MAPKAPK5: variants seen among roughly 807,000 people sequenced by gnomAD.
MAPKAPK5 encodes the protein MAP kinase-activated protein kinase 5.
In MAPKAPK5, 30 loss-of-function variants were observed where a neutral mutation model predicts 65.1. The ratio of observed to expected loss-of-function variants is 0.46; its 90% CI spans 0.34 to 0.63. MAPKAPK5 has a LOEUF of 0.63. MAPKAPK5 is among the 20% of genes least tolerant of loss of function. MAPKAPK5 has a pLI of 0.01. For synonymous variants in MAPKAPK5, 179 were observed against 204.6 expected (o/e 0.87, Z 1.07); for missense variants, 433 against 581.4 (o/e 0.74, Z 2.63).
At chr12:111,886,791 C>G (rs190872467) in intron 10 of MAPKAPK5, among the ~76,000 whole-genome samples, 1 of 152,264 alleles carries the variant, frequency 6.6e-6, no homozygotes, top group East Asian at 1.9e-4. Context: ...AGATTTGCCA[C>G]TAGGAAGGTA....
intron 1 of MAPKAPK5, among the ~76,000 whole-genome samples, chr12:111,849,791 G>A (rs1300350564): frequency 2.6e-5 from 4 of 151,334 alleles, no homozygotes; most frequent in African/African-American, 4.9e-5. Flanking sequence ...ATCACAGTTC[G>A]CTGCAGCCAT....
chr12:111,845,780 G>T (rs976653377), intron 1 of MAPKAPK5, among the ~76,000 whole-genome samples: 3 of 151,958 alleles, frequency 2.0e-5, no homozygotes, highest in Non-Finnish European at 4.4e-5. Context: ...AAAATTAGCC[G>T]AGTGTGGTGG....
Position 111,843,465 on chromosome 12 carries a change from C to T in MAPKAPK5, c.36+696C>T, listed in dbSNP as rs914427924. The T allele has an allele frequency of 1.3e-5, 5 of 390,874 alleles. No homozygotes were observed. The Admixed American group carries it at 1.8e-4, about 14-fold the overall frequency. The allele number at this position is 390,874 out of a possible 1,614,324, so 24.2% of individuals were successfully genotyped here. A position where few individuals can be genotyped will look rare whatever the true frequency, so the allele number is the denominator to read the frequency against. On this transcript the variant is annotated intron_variant, in intron 1 of 13. Coordinates refer to ENST00000550735, the MANE Select transcript of MAPKAPK5 (RefSeq NM_003668.4). ...TTTTTTTTTAAAGGCACATTTTGCCCACTCAGGGCCAGTTATCTGTCTTGA... is the reference window on the plus strand; with the variant it reads ...TTTTTTTTTAAAGGCACATTTTGCCTACTCAGGGCCAGTTATCTGTCTTGA...
At chr12:111,844,548 G>A (rs928179349) in intron 1 of MAPKAPK5, among the ~76,000 whole-genome samples, 36 of 152,178 alleles carry the variant, frequency 2.4e-4, no homozygotes, top group African/African-American at 8.4e-4. Context: ...TATTTAATTG[G>A]GTTGTGAATC....
At chr12:111,888,354 A>C in intron 10 of MAPKAPK5, 134 bp from the exon 11 acceptor site, 1 of 1,293,872 alleles carries the variant, frequency 7.7e-7, no homozygotes, top group Non-Finnish European at 1.0e-6. Context: ...CCTTATCAAA[A>C]TATTTATATT....
chr12:111,885,618 G>A (rs756816386), intron 9 of MAPKAPK5: 3 of 272,582 alleles, frequency 1.1e-5, no homozygotes, highest in Non-Finnish European at 2.1e-5. Flanking sequence ...CAAGGTCTGA[G>A]GAACTATAAG....
intron 7 of MAPKAPK5, among the ~76,000 whole-genome samples, chr12:111,872,957 C>CAT: frequency 6.6e-6 from 1 of 152,094 alleles, no homozygotes; most frequent in East Asian, 1.9e-4. Context: ...TTCTGCCTTC[C>CAT]ATATATATAT....
chr12:111,852,639 G>A (rs57502306), intron 1 of MAPKAPK5, among the ~76,000 whole-genome samples: 15,619 of 152,108 alleles, frequency 0.1, 855 homozygotes, highest in East Asian at 0.24. Flanking sequence ...TAACCTTCAC[G>A]TTGTTCAAGG....
In MAPKAPK5 at chr12:111,894,458, C is replaced by T. The variant is rs919181010; in HGVS notation, c.*1397C>T. The T allele has an allele frequency of 6.6e-6, 1 of 152,176 alleles. No homozygotes were observed. The highest frequency in any genetic ancestry group is 1.5e-5 in the Non-Finnish European group (1 of 68,064). 9.4% of individuals were successfully genotyped at this position (152,176 alleles called of 1,614,324 possible). On this transcript the variant is annotated 3_prime_UTR_variant, in exon 14 of 14. Transcript: ENST00000550735. ...ATTTCTGTTCCCTGTTCCTCTGGTCCTGTTTTTGGAATAACTTGTCCGAGA... is the reference window on the plus strand; with the variant it reads ...ATTTCTGTTCCCTGTTCCTCTGGTCTTGTTTTTGGAATAACTTGTCCGAGA...
rs1432427435 is a variant in MAPKAPK5, at chr12:111,899,865, C to T, written c.*6804C>T. On this transcript the variant is annotated 3_prime_UTR_variant, in exon 14 of 14. Transcript: ENST00000550735. ...GTGTTATACACCATGGCACATCAAG[C>T]GTGAGTCTCCTGTGGTGTCTACTAG... 8.8e-6 allele frequency: 4 copies of T among 454,310 alleles called. No homozygotes were observed. Among genetic ancestry groups the T allele is most frequent in the Admixed American group, 2.4e-5 (1 of 42,512 alleles). 28.1% of individuals were successfully genotyped at this position (454,310 alleles called of 1,614,324 possible).
chr12:111,855,959 G>A (rs911752764), intron 1 of MAPKAPK5, among the ~76,000 whole-genome samples: 1 of 150,516 alleles, frequency 6.6e-6, no homozygotes, highest in Non-Finnish European at 1.5e-5. Flanking sequence ...AGGTTCAAGC[G>A]ATTATCCTGC....
In MAPKAPK5 at chr12:111,886,104, A is replaced by G. The variant is rs2070396053; in HGVS notation, c.969+68A>G. On this transcript the variant is annotated intron_variant, in intron 10 of 13. Coordinates refer to ENST00000550735, the MANE Select transcript of MAPKAPK5 (RefSeq NM_003668.4). ...GGGAAGGAATGCTGGGGCTTGGCTC[A>G]GTGAGGGGTTAGAGGCAAAACAGTG... 6 of 1,610,318 alleles carry G rather than the reference A, an allele frequency of 3.7e-6. No homozygotes were observed. The South Asian group carries it at 6.6e-5, about 18-fold the overall frequency.
intron 1 of MAPKAPK5, among the ~76,000 whole-genome samples, chr12:111,843,844 A>G (rs1408454108): frequency 6.6e-6 from 1 of 152,096 alleles, no homozygotes; most frequent in Non-Finnish European, 1.5e-5. Flanking sequence ...ACGGAGTCTC[A>G]CTCTGTCGCC....
rs2070869298 is a variant in MAPKAPK5, at chr12:111,897,676, A to G, written c.*4615A>G. 2 of 152,174 alleles carry G rather than the reference A, an allele frequency of 1.3e-5. No homozygotes were observed. The highest frequency in any genetic ancestry group is 2.9e-5 in the Non-Finnish European group (2 of 68,018). The allele number at this position is 152,174 out of a possible 1,614,324, so 9.4% of individuals were successfully genotyped here. On this transcript the variant is annotated 3_prime_UTR_variant, in exon 14 of 14. Coordinates refer to ENST00000550735, the MANE Select transcript of MAPKAPK5 (RefSeq NM_003668.4). ...CACTTTTCTTGCTGTAAATTTTTTT[A>G]GTGGGTTTGTGACAGTATAAATTTT...
chr12:111,855,999 G>GTGC (rs2069227333), intron 1 of MAPKAPK5, among the ~76,000 whole-genome samples: 3 of 151,878 alleles, frequency 2.0e-5, no homozygotes, highest in South Asian at 4.2e-4. Context: ...GGGATTACAG[G>GTGC]CATACACCAC....
chr12:111,872,368 A>G (rs2069812373), intron 7 of MAPKAPK5, among the ~76,000 whole-genome samples: 1 of 152,102 alleles, frequency 6.6e-6, no homozygotes. Flanking sequence ...CCTGATGGCC[A>G]CTATTTTGGA....
chr12:111,850,796 G>T (rs2136071928), intron 1 of MAPKAPK5, among the ~76,000 whole-genome samples: 1 of 152,192 alleles, frequency 6.6e-6, no homozygotes, highest in Non-Finnish European at 1.5e-5. Flanking sequence ...GACTACCCTG[G>T]TCTATAAAGC....
At position 111,886,054 on chromosome 12, in the gene MAPKAPK5, C is replaced by G. The variant is rs757610860; in HGVS notation, c.969+18C>G. 26 of 1,613,684 alleles carry G rather than the reference C, an allele frequency of 1.6e-5. 1 individual carries two copies. The South Asian group carries it at 2.7e-4, about 17-fold the overall frequency. On this transcript the variant is annotated intron_variant, in intron 10 of 13. Coordinates refer to ENST00000550735, the MANE Select transcript of MAPKAPK5 (RefSeq NM_003668.4). ...TGGACAAGGTTTTGAATGATGTTTA[C>G]TTTGTTGGCTGAAAAGACTGTGTTG... is the stretch of plus-strand genomic sequence containing the variant.
chr12:111,866,020 C>A, intron 2 of MAPKAPK5, 136 bp from the exon 3 acceptor site: 1 of 650,766 alleles, frequency 1.5e-6, no homozygotes, highest in Non-Finnish European at 2.6e-6. Context: ...ACCTGCTACC[C>A]TTGGGGGCAA....
Sources: allele counts gnomAD v4.1 joint callset (sites outside exome capture counted in the v4.1 genomes callset), GRCh38; gene constraint gnomAD v4.1.1; transcripts MANE v1.5; gene names NCBI Gene and HGNC (gene_info 2026-07-23, HGNC 2026-07-21).